Variants in PCSK6 observed in about 807,000 individuals in gnomAD.
The protein encoded by PCSK6 is paired basic amino acid cleaving enzyme 4.
A neutral mutation model predicts 123.3 loss-of-function variants in PCSK6; 85 were observed. That is an observed-to-expected ratio of 0.69 (90% confidence interval 0.58 to 0.83). The LOEUF is 0.83. Ranked by LOEUF, PCSK6 falls within the 40% of genes least tolerant of loss-of-function variation. The pLI, the probability that PCSK6 is intolerant of heterozygous loss-of-function variation, is 0.00. For synonymous variants in PCSK6, 508 were observed against 516.0 expected (o/e 0.98, Z 0.21); for missense variants, 1,191 against 1,282.3 (o/e 0.93, Z 1.09).
intron 15 of PCSK6, among the ~76,000 whole-genome samples, chr15:101,330,958 A>G (rs755676408): frequency 6.6e-6 from 1 of 152,258 alleles, no homozygotes; most frequent in Non-Finnish European, 1.5e-5. Context: ...GATATTAGAT[A>G]ACTTAAAGCA....
At chr15:101,319,917 G>A (rs555991522) in intron 18 of PCSK6, among the ~76,000 whole-genome samples, 1 of 152,010 alleles carries the variant, frequency 6.6e-6, no homozygotes. Context: ...CCAATTAATC[G>A]AACCCAAGGA....
At chr15:101,351,739 A>G (rs1305143783) in intron 13 of PCSK6, among the ~76,000 whole-genome samples, 1 of 152,192 alleles carries the variant, frequency 6.6e-6, no homozygotes, top group African/African-American at 2.4e-5. Context: ...CAAGCAGGAC[A>G]ATATAACTTC....
chr15:101,453,915 A>G (rs2057104688), intron 1 of PCSK6, among the ~76,000 whole-genome samples: 1 of 152,220 alleles, frequency 6.6e-6, no homozygotes, highest in Non-Finnish European at 1.5e-5. Flanking sequence ...CTTGAGCACC[A>G]AAGGCTGTGC....
At chr15:101,430,581 C>T (rs754565042) in intron 4 of PCSK6, among the ~76,000 whole-genome samples, 4 of 152,198 alleles carry the variant, frequency 2.6e-5, no homozygotes, top group Non-Finnish European at 5.9e-5. Flanking sequence ...GTTTATATGA[C>T]TGTAACAGCA....
At position 101,326,456 on chromosome 15, in the gene PCSK6, C is replaced by T. The variant is rs1470110821; in HGVS notation, c.2101G>A (p.Asp701Asn). 1.9e-6 allele frequency: 3 copies of T among 1,582,866 alleles called. No homozygotes were observed. The highest frequency in any genetic ancestry group is 2.6e-6 in the Non-Finnish European group (3 of 1,164,228). The part of the protein sequence containing the change: ...QTSVCHPECG[D>N]KGCDGPNADQ... ...GCATTGGGGCCATCACAGCCTTTGT[C>T]ACCACACTCCGGATGGCACACACCT... The change falls in exon 16 of 22, where the codon GAC becomes AAC. Residue 701 changes from aspartate to asparagine, a missense_variant. Asp to Asn is a conservative substitution (Grantham distance 23, BLOSUM62 1). This residue lies in a region of PCSK6 where 630 missense variants were observed against 631.4 expected (regional missense o/e 1.00). Coordinates refer to ENST00000611716, the MANE Select transcript of PCSK6 (RefSeq NM_002570.5).
intron 11 of PCSK6, among the ~76,000 whole-genome samples, chr15:101,373,273 C>G (rs928740885): frequency 1.3e-5 from 2 of 152,186 alleles, no homozygotes; most frequent in South Asian, 4.1e-4. Flanking sequence ...GGCCTCACTT[C>G]GTTTGGTTTT....
chr15:101,347,461 C>T (rs2040765160), intron 13 of PCSK6: 3 of 1,255,422 alleles, frequency 2.4e-6, no homozygotes, highest in Admixed American at 3.8e-5. Flanking sequence ...CTAATCTCTT[C>T]CCCTTCATTA....
chr15:101,364,183 G>C (rs1414256572), intron 13 of PCSK6, among the ~76,000 whole-genome samples: 3 of 152,082 alleles, frequency 2.0e-5, no homozygotes, highest in Non-Finnish European at 4.4e-5. Context: ...CGCACTCCCA[G>C]GGTGACCAAG....
intron 20 of PCSK6, chr15:101,307,682 C>T (rs2039757408): frequency 4.2e-6 from 1 of 239,512 alleles, no homozygotes; most frequent in South Asian, 6.2e-5. Context: ...CTGTGTCAGT[C>T]TTCTCTCTCC....
chr15:101,483,506 C>T (rs1277907504), intron 1 of PCSK6, among the ~76,000 whole-genome samples: 1 of 152,222 alleles, frequency 6.6e-6, no homozygotes, highest in African/African-American at 2.4e-5. Flanking sequence ...AACAAATTAG[C>T]TCAATACCCC....
intron 6 of PCSK6, among the ~76,000 whole-genome samples, chr15:101,412,100 G>A (rs1289409654): frequency 6.6e-6 from 1 of 152,174 alleles, no homozygotes; most frequent in African/African-American, 2.4e-5. Flanking sequence ...CCACGCTTGG[G>A]TATCAGCGGA....
intron 1 of PCSK6, among the ~76,000 whole-genome samples, chr15:101,479,837 T>A (rs1453696759): frequency 1.3e-5 from 2 of 152,138 alleles, no homozygotes; most frequent in African/African-American, 4.8e-5. Context: ...GGAGGTGAAC[T>A]TGGGCCTTTT....
intron 8 of PCSK6, 126 bp downstream of exon 8, chr15:101,393,086 G>C: frequency 2.4e-6 from 2 of 821,438 alleles, no homozygotes; most frequent in Non-Finnish European, 4.1e-6. Context: ...GGGTGAGGCT[G>C]GGACCCTGGG....
At chr15:101,424,032 G>A (rs1218292395) in intron 6 of PCSK6, among the ~76,000 whole-genome samples, 1 of 152,136 alleles carries the variant, frequency 6.6e-6, no homozygotes. Flanking sequence ...AGTCCAGCCT[G>A]GGCAACACAG....
intron 2 of PCSK6, among the ~76,000 whole-genome samples, chr15:101,437,422 G>T (rs993348300): frequency 3.9e-5 from 6 of 152,194 alleles, no homozygotes; most frequent in Admixed American, 3.3e-4. Flanking sequence ...AGTAGAGGAG[G>T]GGGAGGAGGA....
At chr15:101,309,372 C>T (rs749035310) in intron 20 of PCSK6, among the ~76,000 whole-genome samples, 2 of 152,246 alleles carry the variant, frequency 1.3e-5, no homozygotes, top group Non-Finnish European at 2.9e-5. Context: ...TTACCGTGCC[C>T]AGCAGCGGGT....
At chr15:101,354,980 AGTGCCTGCTGG>A (rs2040998561) in intron 13 of PCSK6, among the ~76,000 whole-genome samples, 1 of 152,270 alleles carries the variant, frequency 6.6e-6, no homozygotes, top group African/African-American at 2.4e-5. Context: ...AATAGCACCC[AGTGCCTGCTGG>A]AGAACACGTA....
intron 18 of PCSK6, among the ~76,000 whole-genome samples, chr15:101,319,241 A>G (rs2040062013): frequency 1.3e-5 from 2 of 152,190 alleles, no homozygotes; most frequent in Admixed American, 6.5e-5. Flanking sequence ...ATCACCTACT[A>G]TTATCTCTTT....
At position 101,324,825 on chromosome 15, in the gene PCSK6, T is replaced by C. The variant is rs549108267; in HGVS notation, c.2377+25A>G. The C allele has an allele frequency of 7.8e-4, 1,242 of 1,596,812 alleles. 20 individuals carry two copies. In the South Asian group the frequency reaches 0.013, roughly 17 times the overall value. ...AAAGTTGGGGCTGGCTCATCAGTTC[T>C]TGTACCCACAAACAAGCCACTTACT... On this transcript the variant is annotated intron_variant, in intron 17 of 21. Coordinates refer to ENST00000611716, the MANE Select transcript of PCSK6 (RefSeq NM_002570.5).
Sources: allele counts gnomAD v4.1 joint callset (sites outside exome capture counted in the v4.1 genomes callset), GRCh38; gene constraint gnomAD v4.1.1; regional missense constraint gnomAD v4.1.1; transcripts MANE v1.5; gene names NCBI Gene and HGNC (gene_info 2026-07-23, HGNC 2026-07-21).